The following POM121 variants were observed in gnomAD, a reference collection of about 807,000 sequenced individuals.
The protein encoded by POM121 is nuclear envelope pore membrane protein POM 121.
In POM121, 32 loss-of-function variants were observed where a neutral mutation model predicts 81.3. The ratio of observed to expected loss-of-function variants is 0.39; its 90% CI spans 0.30 to 0.53. POM121 has a LOEUF of 0.53. POM121 is among the 20% of genes least tolerant of loss of function. The pLI is 0.66. For synonymous variants in POM121, 514 were observed against 694.2 expected (o/e 0.74, Z 4.08); for missense variants, 1,138 against 1,614.6 (o/e 0.70, Z 5.06).
At position 72,938,603 on chromosome 7, in the gene POM121, A is replaced by G. The variant is rs1422382040; in HGVS notation, c.1289A>G (p.Asn430Ser). Residue 430 changes from asparagine to serine, a missense_variant, in exon 6 of 13, where the codon AAT (asparagine) becomes AGT (serine). This residue lies in a region of POM121 where 646 missense variants were observed against 633.5 expected (regional missense o/e 1.02). Transcript: ENST00000434423. ...TRGISQLWKR[N>S]GPSSSPFSSP... The stretch of plus-strand genomic sequence containing the variant: ...CTTGATTTTTAGCTCTGGAAGAGAA[A>G]TGGCCCCAGTTCATCACCCTTCTCT... 2.5e-6 allele frequency: 4 copies of G among 1,613,758 alleles called. No homozygotes were observed. Among genetic ancestry groups the G allele is most frequent in the Middle Eastern group, 1.6e-4 (1 of 6,078 alleles).
intron 3 of POM121, among the ~76,000 whole-genome samples, chr7:72,894,598 C>G (rs1254700800): frequency 7.6e-6 from 1 of 131,398 alleles, no homozygotes; most frequent in African/African-American, 3.2e-5. Flanking sequence ...AAAACTCTTT[C>G]TAGAGAGAGA....
intron 3 of POM121, among the ~76,000 whole-genome samples, chr7:72,911,290 T>C (rs1253726619): frequency 2.6e-5 from 4 of 152,234 alleles, no homozygotes; most frequent in South Asian, 4.1e-4. Flanking sequence ...AGCTGCTTCA[T>C]GTATTTTGAA....
intron 5 of POM121, among the ~76,000 whole-genome samples, chr7:72,932,729 T>G (rs528895517): frequency 6.6e-6 from 1 of 152,278 alleles, no homozygotes; most frequent in Admixed American, 6.5e-5. Flanking sequence ...TTATTGTAGC[T>G]CTGGGCTTTT....
intron 3 of POM121, among the ~76,000 whole-genome samples, chr7:72,893,660 T>C (rs1432103045): frequency 1.3e-5 from 2 of 152,202 alleles, no homozygotes; most frequent in East Asian, 3.9e-4. Context: ...GTATTTGCAT[T>C]GTTGAGCAAT....
intron 3 of POM121, among the ~76,000 whole-genome samples, chr7:72,908,150 A>G (rs781932802): frequency 5.9e-5 from 9 of 152,306 alleles, no homozygotes; most frequent in Non-Finnish European, 7.3e-5. Context: ...CATATCTTCA[A>G]TGATGTCGGG....
At chr7:72,883,645 TA>T (rs1490227480) in intron 1 of POM121, among the ~76,000 whole-genome samples, 1 of 151,832 alleles carries the variant, frequency 6.6e-6, no homozygotes, top group Non-Finnish European at 1.5e-5. Context: ...GCACATTTTT[TA>T]AAAATATCTT....
At chr7:72,926,582 T>C in intron 2 of POM121, 105 bp downstream of exon 2, 1 of 1,548,038 alleles carries the variant, frequency 6.5e-7, no homozygotes, top group Non-Finnish European at 8.8e-7. Context: ...AGGACGAAGC[T>C]GCTTATTTGA....
At chr7:72,909,054 G>T (rs1177882778) in intron 3 of POM121, among the ~76,000 whole-genome samples, 2 of 152,170 alleles carry the variant, frequency 1.3e-5, no homozygotes, top group Admixed American at 6.5e-5. Context: ...CACAATTTAT[G>T]TTCAGAGATT....
At chr7:72,928,272 C>T in intron 3 of POM121, 113 bp from the exon 4 acceptor site, 2 of 1,423,000 alleles carry the variant, frequency 1.4e-6, no homozygotes, top group Non-Finnish European at 1.9e-6. Flanking sequence ...TCTGGTCTAT[C>T]ATGGAATCTG....
At chr7:72,938,481 A>G in intron 5 of POM121, 109 bp from the exon 6 acceptor site, 1 of 1,315,826 alleles carries the variant, frequency 7.6e-7, no homozygotes, top group South Asian at 1.2e-5. Context: ...ATGACTAACC[A>G]TTTAACCATA....
rs1362017226 is a variant in POM121, at chr7:72,930,189, T to G, written c.1275+78T>G. 7 of 1,488,004 alleles carry G rather than the reference T, an allele frequency of 4.7e-6. No homozygotes were observed. In the East Asian group the frequency reaches 1.6e-4, roughly 34 times the overall value. The allele number at this position is 1,488,004 out of a possible 1,614,324, so 92.2% of individuals were successfully genotyped here. ...ATTGACTAGGGCCAGACATGGTAGCTTAGCCATGTAATCCCAGCACTTTGG... is the reference window on the plus strand; with the variant it reads ...ATTGACTAGGGCCAGACATGGTAGCGTAGCCATGTAATCCCAGCACTTTGG... On this transcript the variant is annotated intron_variant, in intron 5 of 12. Transcript: ENST00000434423.
At chr7:72,948,667 C>A (rs782080036), downstream of POM121, 41 of 1,604,718 alleles carry the variant, frequency 2.6e-5, no homozygotes, top group Admixed American at 5.0e-5. Flanking sequence ...CACTCACTCA[C>A]GTCGGCATCT....
chr7:72,948,955 A>G (rs782056747), downstream of POM121: 1 of 1,612,182 alleles, frequency 6.2e-7, no homozygotes, highest in Non-Finnish European at 8.5e-7. Context: ...CTCCTGGCAG[A>G]GGGAGCACAT....
At chr7:72,949,093 C>T (rs782488945), downstream of POM121, 4 of 1,609,714 alleles carry the variant, frequency 2.5e-6, no homozygotes, top group South Asian at 3.3e-5. Context: ...CAGCTGTCTG[C>T]TCGGCATACC....
chr7:72,944,431 A>G (rs1359680948), intron 11 of POM121, among the ~76,000 whole-genome samples: 1 of 152,084 alleles, frequency 6.6e-6, no homozygotes, highest in Non-Finnish European at 1.5e-5. Context: ...GTCTTTTGAA[A>G]TAGTCATTTT....
upstream of POM121, chr7:72,924,509 C>T (rs1795150551): frequency 6.6e-6 from 1 of 152,184 alleles, no homozygotes; most frequent in Non-Finnish European, 1.5e-5. Context: ...TTTAAACTAT[C>T]TTTATGGTGC....
At chr7:72,905,179 C>T (rs2129575856) in intron 3 of POM121, among the ~76,000 whole-genome samples, 1 of 152,304 alleles carries the variant, frequency 6.6e-6, no homozygotes, top group East Asian at 1.9e-4. Flanking sequence ...GAGATACCTA[C>T]TCTGCCATTT....
At chr7:72,930,585 G>T (rs1483289594) in intron 5 of POM121, among the ~76,000 whole-genome samples, 1 of 152,222 alleles carries the variant, frequency 6.6e-6, no homozygotes, top group Non-Finnish European at 1.5e-5. Flanking sequence ...TCTTATAGGC[G>T]TTTAGAATTG....
Position 72,930,065 on chromosome 7 carries a change from G to T in POM121, c.1229G>T (p.Arg410Leu). ...AYASGIPSSS[R>L]NAITSSYSST... ...GCAAGTGGCATCCCTAGCTCCAGCCGCAATGCCATTACCAGTTCCTACAGC... is the reference window on the plus strand; with the variant it reads ...GCAAGTGGCATCCCTAGCTCCAGCCTCAATGCCATTACCAGTTCCTACAGC... The change falls in exon 5 of 13, where the codon CGC (arginine) becomes CTC (leucine). Residue 410 changes from arginine (R) to leucine (L), a missense_variant. Arg to Leu is a moderately radical substitution (Grantham distance 102, BLOSUM62 -2). Transcript: ENST00000434423. 1.2e-6 allele frequency: 2 copies of T among 1,613,830 alleles called. No homozygotes were observed. The highest frequency in any genetic ancestry group is 1.7e-6 in the Non-Finnish European group (2 of 1,179,770).
Sources: gnomAD v4.1 joint callset for allele counts (sites outside exome capture counted in the v4.1 genomes callset) on GRCh38, gnomAD v4.1.1 for gene constraint, gnomAD v4.1.1 regional missense constraint, MANE v1.5 for transcripts, NCBI Gene and HGNC (gene_info 2026-07-23, HGNC 2026-07-21) for gene names.